VPS13B: variants seen among roughly 807,000 people sequenced by gnomAD.
VPS13B encodes the protein vacuolar protein sorting 13 homolog B.
VPS13B carries 285 observed loss-of-function variants against 426.4 expected under a neutral mutation model. The ratio of observed to expected loss-of-function variants is 0.67; its 90% CI spans 0.61 to 0.74. VPS13B has a LOEUF of 0.74. Among genes scored for constraint, VPS13B ranks in the 30% least tolerant of loss-of-function variants. VPS13B has a pLI of 0.00. For missense variants in VPS13B, 4,537 were observed against 4,782.6 expected, an observed-to-expected ratio of 0.95 and a Z score of 1.51; for synonymous variants, 1,676 against 1,676.4, an observed-to-expected ratio of 1.00 and a Z score of 0.01.
At chr8:99,022,055 C>T (rs1357351332) in intron 2 of VPS13B, among the ~76,000 whole-genome samples, 1 of 151,830 alleles carries the variant, frequency 6.6e-6, no homozygotes, top group Admixed American at 6.6e-5. Flanking sequence ...TTAATATTTT[C>T]AAAGAACTAA....
At chr8:99,665,493 G>C (rs1476392108) in intron 35 of VPS13B, among the ~76,000 whole-genome samples, 1 of 152,144 alleles carries the variant, frequency 6.6e-6, no homozygotes, top group Non-Finnish European at 1.5e-5. Context: ...ATTAATTTTT[G>C]TATAAGGTGT....
intron 19 of VPS13B, among the ~76,000 whole-genome samples, chr8:99,359,570 A>G (rs771712048): frequency 2.6e-5 from 4 of 152,256 alleles, no homozygotes; most frequent in Non-Finnish European, 5.9e-5. Flanking sequence ...TAATTAAAAA[A>G]GGTACAAATA....
intron 3 of VPS13B, among the ~76,000 whole-genome samples, chr8:99,038,892 G>A (rs1211502713): frequency 6.6e-6 from 1 of 151,644 alleles, no homozygotes; most frequent in African/African-American, 2.4e-5. Context: ...TCACTATGTT[G>A]GCCAGGATGG....
chr8:99,029,373 G>T lies in VPS13B; in HGVS notation c.148-9050G>T, dbSNP rs1463817638. 2.0e-5 allele frequency among the ~76,000 whole-genome samples: 3 copies of T among 151,848 alleles called. No homozygotes were observed. The East Asian group carries it at 5.9e-4, about 30-fold the overall frequency. On this transcript the variant is annotated intron_variant, in intron 2 of 61. Transcript: ENST00000357162. ...AGACGCTCCTCACTTCCCAGACGGG[G>T]TGGCGGCCGGGCAGAGGCTGCAATC...
At chr8:99,309,564 A>G (rs531884218) in intron 19 of VPS13B, among the ~76,000 whole-genome samples, 67 of 152,092 alleles carry the variant, frequency 4.4e-4, no homozygotes, top group Non-Finnish European at 7.3e-4. Flanking sequence ...TACCAGTACC[A>G]TGTTGTTTTG....
chr8:99,039,159 C>G (rs1004335864), intron 3 of VPS13B, among the ~76,000 whole-genome samples: 11 of 152,020 alleles, frequency 7.2e-5, no homozygotes, highest in African/African-American at 2.2e-4. Flanking sequence ...CTAATTGTGT[C>G]CGATTTTTAC....
chr8:99,731,031 A>G (rs1222337835), intron 39 of VPS13B, among the ~76,000 whole-genome samples: 1 of 152,230 alleles, frequency 6.6e-6, no homozygotes, highest in African/African-American at 2.4e-5. Context: ...GAAGTTGTAT[A>G]TAAAGAAGAA....
At chr8:99,171,527 G>A (rs898482726) in intron 16 of VPS13B, among the ~76,000 whole-genome samples, 1 of 151,808 alleles carries the variant, frequency 6.6e-6, no homozygotes, top group African/African-American at 2.4e-5. Flanking sequence ...AATCAATATT[G>A]AAATAAGTAA....
intron 23 of VPS13B, among the ~76,000 whole-genome samples, chr8:99,452,180 G>A (rs1818230855): frequency 6.6e-6 from 1 of 152,034 alleles, no homozygotes; most frequent in East Asian, 1.9e-4. Flanking sequence ...CTGTGTTCTT[G>A]GAATAAGCAC....
chr8:99,195,560 G>A (rs555310172), intron 17 of VPS13B, among the ~76,000 whole-genome samples: 18 of 152,106 alleles, frequency 1.2e-4, no homozygotes, highest in Non-Finnish European at 5.9e-5. Flanking sequence ...TTCTTTTGCC[G>A]TGCAGAAGTT....
At chr8:99,568,879 T>G (rs1034107436) in intron 31 of VPS13B, among the ~76,000 whole-genome samples, 1 of 151,554 alleles carries the variant, frequency 6.6e-6, no homozygotes, top group Non-Finnish European at 1.5e-5. Context: ...TGGCGCAATT[T>G]TGGCTCACTG....
At chr8:99,296,443 C>T (rs1227813190) in intron 19 of VPS13B, among the ~76,000 whole-genome samples, 1 of 152,016 alleles carries the variant, frequency 6.6e-6, no homozygotes, top group Non-Finnish European at 1.5e-5. Flanking sequence ...AATATTACTA[C>T]AATATGCCAT....
chr8:99,298,393 G>A (rs1820161644), intron 19 of VPS13B, among the ~76,000 whole-genome samples: 1 of 152,162 alleles, frequency 6.6e-6, no homozygotes, highest in African/African-American at 2.4e-5. Context: ...GAAGGCTGAG[G>A]CAGGAGAATC....
chr8:99,532,451 T>G (rs1822982191), intron 30 of VPS13B, among the ~76,000 whole-genome samples: 1 of 152,144 alleles, frequency 6.6e-6, no homozygotes, highest in Non-Finnish European at 1.5e-5. Flanking sequence ...CCCTGTTCTG[T>G]GGCAGTTTAA....
At chr8:99,013,531 C>T (rs1841432395) in intron 1 of VPS13B, among the ~76,000 whole-genome samples, 184 bp downstream of exon 1, 1 of 152,158 alleles carries the variant, frequency 6.6e-6, no homozygotes, top group Admixed American at 6.5e-5. Context: ...TCTGAGGGAC[C>T]CGCTCTCTTC....
chr8:99,467,389 T>C, intron 23 of VPS13B, 25 bp from the exon 24 acceptor site: 1 of 1,603,754 alleles, frequency 6.2e-7, no homozygotes. Context: ...TGTGCTTCCC[T>C]ATTCCCTTTT....
intron 19 of VPS13B, among the ~76,000 whole-genome samples, chr8:99,284,001 G>A (rs1819296437): frequency 6.6e-6 from 1 of 152,072 alleles, no homozygotes; most frequent in South Asian, 2.1e-4. Context: ...AAGACGAAAG[G>A]TGTGGTAAAC....
At chr8:99,229,898 T>A (rs1482235221) in intron 17 of VPS13B, among the ~76,000 whole-genome samples, 1 of 152,234 alleles carries the variant, frequency 6.6e-6, no homozygotes. Flanking sequence ...CCTGCTTACC[T>A]GTTTCCACAT....
intron 51 of VPS13B, among the ~76,000 whole-genome samples, chr8:99,824,554 G>A (rs927317398): frequency 6.6e-6 from 1 of 151,202 alleles, no homozygotes; most frequent in Non-Finnish European, 1.5e-5. Context: ...TAAGAGAGGA[G>A]AGATTTTTTT....
Sources: gnomAD v4.1 joint callset for allele counts (sites outside exome capture counted in the v4.1 genomes callset) on GRCh38, gnomAD v4.1.1 for gene constraint, MANE v1.5 for transcripts, NCBI Gene and HGNC (gene_info 2026-07-23, HGNC 2026-07-21) for gene names.